Variants in CLTCL1 observed in about 807,000 individuals in gnomAD.
The protein encoded by CLTCL1 is clathrin heavy chain 2.
In CLTCL1, 159 loss-of-function variants were observed where a neutral mutation model predicts 190.0. The ratio of observed to expected loss-of-function variants is 0.84; its 90% CI spans 0.74 to 0.95. The LOEUF (loss-of-function observed/expected upper bound fraction) is 0.95, where lower values mean the gene tolerates loss of function less well. CLTCL1 is among the 40% of genes least tolerant of loss of function. CLTCL1 has a pLI of 0.00. For missense variants in CLTCL1, 1,878 were observed against 2,033.4 expected, an observed-to-expected ratio of 0.92 and a Z score of 1.47; for synonymous variants, 752 against 769.6, an observed-to-expected ratio of 0.98 and a Z score of 0.38.
intron 26 of CLTCL1, among the ~76,000 whole-genome samples, chr22:19,192,978 G>A (rs937642529): frequency 2.6e-5 from 4 of 152,164 alleles, no homozygotes; most frequent in African/African-American, 9.7e-5. Context: ...TGAAGAAGCA[G>A]AGAGCAGTCA....
intron 1 of CLTCL1, among the ~76,000 whole-genome samples, chr22:19,276,618 A>AT (rs1476402703): frequency 2.0e-5 from 3 of 152,246 alleles, no homozygotes; most frequent in Admixed American, 2.0e-4. Context: ...ATTTCTATAA[A>AT]TTTCTCTGCT....
chr22:19,278,930 C>T (rs1453348598), intron 1 of CLTCL1, among the ~76,000 whole-genome samples: 2 of 151,910 alleles, frequency 1.3e-5, no homozygotes, highest in Non-Finnish European at 2.9e-5. Flanking sequence ...TTAGTAGAGA[C>T]GGGGTTTCAC....
At chr22:19,209,168 A>C (rs2085143633) in intron 20 of CLTCL1, 54 bp from the exon 21 acceptor site, 6 of 1,472,574 alleles carry the variant, frequency 4.1e-6, no homozygotes, top group Non-Finnish European at 5.5e-6. Context: ...AGCTCCAAAA[A>C]ACAGACACAT....
At chr22:19,252,811 A>G (rs532342317) in intron 3 of CLTCL1, among the ~76,000 whole-genome samples, 156 of 152,232 alleles carry the variant, frequency 1.0e-3, no homozygotes, top group Middle Eastern at 3.4e-3. Flanking sequence ...TCAGGAGATC[A>G]AGGCCATCCT....
At chr22:19,189,375 T>C (rs2146232037) in intron 27 of CLTCL1, among the ~76,000 whole-genome samples, 1 of 152,342 alleles carries the variant, frequency 6.6e-6, no homozygotes, top group East Asian at 1.9e-4. Flanking sequence ...GTAGAACATT[T>C]TTCAAAATTG....
At chr22:19,252,191 G>A (rs1454822289) in intron 3 of CLTCL1, among the ~76,000 whole-genome samples, 3 of 152,138 alleles carry the variant, frequency 2.0e-5, no homozygotes, top group African/African-American at 4.8e-5. Flanking sequence ...AGTCTTCATG[G>A]TGGTCCATCT....
chr22:19,281,684 G>C (rs1555986804), intron 1 of CLTCL1, among the ~76,000 whole-genome samples: 1 of 152,126 alleles, frequency 6.6e-6, no homozygotes, highest in African/African-American at 2.4e-5. Flanking sequence ...CACTGAAGTG[G>C]GCCTGGGTTT....
chr22:19,184,824 C>T (rs1216057806), intron 29 of CLTCL1: 10 of 333,574 alleles, frequency 3.0e-5, no homozygotes, highest in South Asian at 9.2e-5. Flanking sequence ...GAGCCCAGCT[C>T]GAGTCAGGCT....
intron 1 of CLTCL1, among the ~76,000 whole-genome samples, chr22:19,287,218 T>C (rs1016326430): frequency 1.2e-4 from 19 of 152,296 alleles, no homozygotes; most frequent in African/African-American, 3.8e-4. Flanking sequence ...GGTAGCTCCC[T>C]GAGCTCACAA....
intron 2 of CLTCL1, among the ~76,000 whole-genome samples, chr22:19,268,208 A>G (rs1375384383): frequency 6.6e-6 from 1 of 152,190 alleles, no homozygotes; most frequent in Non-Finnish European, 1.5e-5. Context: ...TCCCCTCCAG[A>G]GGATGCAGCA....
chr22:19,280,225 G>T (rs1348599707), intron 1 of CLTCL1, among the ~76,000 whole-genome samples: 1 of 152,116 alleles, frequency 6.6e-6, no homozygotes, highest in Non-Finnish European at 1.5e-5. Flanking sequence ...TACATAAAAT[G>T]TCAACCAAAT....
chr22:19,239,608 G>A (rs1179625804), intron 4 of CLTCL1, among the ~76,000 whole-genome samples: 1 of 152,236 alleles, frequency 6.6e-6, no homozygotes, highest in Non-Finnish European at 1.5e-5. Context: ...CCAATGCCAG[G>A]CAGCCTGGAG....
chr22:19,231,793 C>T (rs572129062), intron 10 of CLTCL1, among the ~76,000 whole-genome samples: 1 of 152,220 alleles, frequency 6.6e-6, no homozygotes, highest in South Asian at 2.1e-4. Context: ...AAGATGTGAA[C>T]TGGAAATTTC....
intron 30 of CLTCL1, chr22:19,183,183 A>G (rs1382488518): frequency 1.6e-5 from 9 of 559,736 alleles, no homozygotes; most frequent in African/African-American, 1.3e-4. Flanking sequence ...GGCACTCCCC[A>G]TGATGATTTT....
intron 3 of CLTCL1, among the ~76,000 whole-genome samples, chr22:19,252,516 C>T (rs1198548439): frequency 6.6e-6 from 1 of 152,196 alleles, no homozygotes; most frequent in Non-Finnish European, 1.5e-5. Flanking sequence ...GCTGTCTTGA[C>T]TTAAGCTGCT....
At chr22:19,291,504 C>A in intron 1 of CLTCL1, 96 bp downstream of exon 1, 1 of 1,128,844 alleles carries the variant, frequency 8.9e-7, no homozygotes, top group East Asian at 3.4e-5. Flanking sequence ...AGCTGGGCAG[C>A]GGCTCAGCGG....
At chr22:19,258,485 C>CTGGAGAA (rs2086838288) in intron 2 of CLTCL1, 1 of 480,758 alleles carries the variant, frequency 2.1e-6, no homozygotes, top group African/African-American at 2.0e-5. Flanking sequence ...TGGAGAACAG[C>CTGGAGAA]CTAAGGGAGG....
intron 5 of CLTCL1, among the ~76,000 whole-genome samples, chr22:19,237,393 C>A (rs150890875): frequency 6.6e-6 from 1 of 152,088 alleles, no homozygotes; most frequent in African/African-American, 2.4e-5. Flanking sequence ...GTGGCTGATA[C>A]ATCAATTCTG....
At chr22:19,252,950 C>T (rs1434715113) in intron 3 of CLTCL1, among the ~76,000 whole-genome samples, 2 of 146,862 alleles carry the variant, frequency 1.4e-5, no homozygotes, top group African/African-American at 5.0e-5. Flanking sequence ...GGAGGCAGAG[C>T]TTGCAGTGAG....
Sources: gnomAD v4.1 joint callset for allele counts (sites outside exome capture counted in the v4.1 genomes callset) on GRCh38, gnomAD v4.1.1 for gene constraint, MANE v1.5 for transcripts, NCBI Gene and HGNC (gene_info 2026-07-23, HGNC 2026-07-21) for gene names.